RIMS1: variants seen among roughly 807,000 people sequenced by gnomAD.
RIMS1 encodes the protein regulating synaptic membrane exocytosis protein 1.
RIMS1 carries 83 observed loss-of-function variants against 214.1 expected under a neutral mutation model. The ratio of observed to expected loss-of-function variants is 0.39; its 90% CI spans 0.32 to 0.47. RIMS1 has a LOEUF of 0.47. Among genes scored for constraint, RIMS1 ranks in the 20% least tolerant of loss-of-function variants. RIMS1 has a pLI of 0.99. For missense variants in RIMS1, 2,050 were observed against 2,161.8 expected, an observed-to-expected ratio of 0.95 and a Z score of 1.03; for synonymous variants, 793 against 786.8, an observed-to-expected ratio of 1.01 and a Z score of -0.13.
At chr6:71,978,412 AT>A (rs1402162095) in intron 2 of RIMS1, among the ~76,000 whole-genome samples, 1 of 152,082 alleles carries the variant, frequency 6.6e-6, no homozygotes, top group Non-Finnish European at 1.5e-5. Context: ...CTTATTTAAA[AT>A]TTTTTATTGT....
chr6:72,014,194 G>T (rs952698024), intron 2 of RIMS1, among the ~76,000 whole-genome samples: 1 of 152,208 alleles, frequency 6.6e-6, no homozygotes, highest in Non-Finnish European at 1.5e-5. Context: ...GAAGTGAGTG[G>T]CAAGTGAAGG....
At chr6:72,159,494 G>A (rs1026738628) in intron 4 of RIMS1, among the ~76,000 whole-genome samples, 2 of 140,806 alleles carry the variant, frequency 1.4e-5, no homozygotes, top group Non-Finnish European at 3.2e-5. Flanking sequence ...TATTGCCTAC[G>A]TTTTCTTGTA....
At chr6:71,935,613 T>G (rs1302342256) in intron 1 of RIMS1, among the ~76,000 whole-genome samples, 1 of 152,168 alleles carries the variant, frequency 6.6e-6, no homozygotes, top group Non-Finnish European at 1.5e-5. Context: ...CTCTGGCCCG[T>G]TTGCTGTTGG....
chr6:71,978,774 A>G (rs1275053374), intron 2 of RIMS1, among the ~76,000 whole-genome samples: 1 of 152,124 alleles, frequency 6.6e-6, no homozygotes, highest in Non-Finnish European at 1.5e-5. Context: ...GTCACAGGCT[A>G]TAGTTGTATT....
At chr6:71,890,905 A>G (rs2150341956) in intron 1 of RIMS1, among the ~76,000 whole-genome samples, 1 of 152,182 alleles carries the variant, frequency 6.6e-6, no homozygotes, top group South Asian at 2.1e-4. Context: ...GTAATATCCT[A>G]AACTGACTCA....
At chr6:72,089,373 C>A (rs1164470370) in intron 2 of RIMS1, among the ~76,000 whole-genome samples, 1 of 152,050 alleles carries the variant, frequency 6.6e-6, no homozygotes, top group Non-Finnish European at 1.5e-5. Flanking sequence ...GGTGGTAGGA[C>A]ACTAACACTA....
chr6:72,181,482 G>A (rs142537328), intron 5 of RIMS1, among the ~76,000 whole-genome samples: 100 of 152,324 alleles, frequency 6.6e-4, no homozygotes, highest in East Asian at 9.6e-4. Flanking sequence ...ATTTGGAGCT[G>A]TAAAGTTTCT....
intron 9 of RIMS1, among the ~76,000 whole-genome samples, chr6:72,240,013 A>G (rs2066034385): frequency 6.6e-6 from 1 of 152,138 alleles, no homozygotes; most frequent in Non-Finnish European, 1.5e-5. Flanking sequence ...TGTCCCTGGC[A>G]CCACTTGACT....
At chr6:72,283,210 A>G (rs1013994587) in intron 23 of RIMS1, among the ~76,000 whole-genome samples, 16 of 151,946 alleles carry the variant, frequency 1.1e-4, no homozygotes, top group African/African-American at 3.4e-4. Flanking sequence ...TTTTTTTGTA[A>G]TAAGTGTGAG....
chr6:72,202,777 G>A (rs971772211), intron 6 of RIMS1, among the ~76,000 whole-genome samples: 1 of 152,098 alleles, frequency 6.6e-6, no homozygotes, highest in African/African-American at 2.4e-5. Context: ...AGATCATGAG[G>A]ACATAAATAA....
At chr6:72,199,981 A>G (rs746208261) in intron 6 of RIMS1, among the ~76,000 whole-genome samples, 6 of 152,100 alleles carry the variant, frequency 3.9e-5, no homozygotes, top group African/African-American at 7.2e-5. Flanking sequence ...ATCAATTACT[A>G]TAGTTATGCA....
intron 2 of RIMS1, among the ~76,000 whole-genome samples, chr6:72,089,684 A>T (rs956112570): frequency 2.0e-5 from 3 of 151,534 alleles, no homozygotes; most frequent in Admixed American, 2.0e-4. Flanking sequence ...TACCCAAATG[A>T]CTATAAATCA....
intron 23 of RIMS1, among the ~76,000 whole-genome samples, chr6:72,275,379 A>G (rs575569095): frequency 6.6e-6 from 1 of 151,862 alleles, no homozygotes; most frequent in African/African-American, 2.4e-5. Flanking sequence ...TGCGTACGGC[A>G]GAGTAATTTA....
chr6:71,929,189 G>T (rs1025157647), intron 1 of RIMS1, among the ~76,000 whole-genome samples: 6 of 152,078 alleles, frequency 3.9e-5, no homozygotes, highest in Admixed American at 2.0e-4. Context: ...CTCTCCATGA[G>T]AGCAGAGCTT....
intron 29 of RIMS1, among the ~76,000 whole-genome samples, chr6:72,359,090 A>G (rs965633119): frequency 6.6e-6 from 1 of 152,174 alleles, no homozygotes; most frequent in Non-Finnish European, 1.5e-5. Context: ...ATGCAAACCT[A>G]CCACCAAAGG....
chr6:71,988,993 G>A (rs1249907024), intron 2 of RIMS1, among the ~76,000 whole-genome samples: 2 of 152,106 alleles, frequency 1.3e-5, no homozygotes, highest in Non-Finnish European at 2.9e-5. Context: ...TAAAAGGTAC[G>A]CTAGCTCTGA....
At chr6:72,388,415 A>G (rs2098649102) in intron 29 of RIMS1, among the ~76,000 whole-genome samples, 2 of 152,234 alleles carry the variant, frequency 1.3e-5, no homozygotes, top group Admixed American at 1.3e-4. Flanking sequence ...CAAGGACCAG[A>G]TGATATGGCA....
chr6:72,353,257 T>C (rs2097525910), intron 29 of RIMS1, among the ~76,000 whole-genome samples: 1 of 152,156 alleles, frequency 6.6e-6, no homozygotes, highest in African/African-American at 2.4e-5. Flanking sequence ...AGTGCTGGGA[T>C]TACAGGCATG....
chr6:72,330,525 G>T (rs368264478), intron 28 of RIMS1, among the ~76,000 whole-genome samples: 6 of 151,766 alleles, frequency 4.0e-5, no homozygotes, highest in South Asian at 2.1e-4. Flanking sequence ...TTTTAGTGGT[G>T]CATAAAGTGC....
Sources: allele counts gnomAD v4.1 joint callset (sites outside exome capture counted in the v4.1 genomes callset), GRCh38; gene constraint gnomAD v4.1.1; transcripts MANE v1.5; gene names NCBI Gene and HGNC (gene_info 2026-07-23, HGNC 2026-07-21).